Variants in ZNF106 observed in about 807,000 individuals in gnomAD.
The protein encoded by ZNF106 is zinc finger protein 106, also known as SH3-domain binding protein 3.
In ZNF106, 67 loss-of-function variants were observed where a neutral mutation model predicts 195.1. The observed-to-expected ratio is 0.34, with a 90% CI of 0.28 to 0.42. ZNF106 has a LOEUF of 0.42. Among genes scored for constraint, ZNF106 ranks in the 10% least tolerant of loss-of-function variants. The pLI, the probability that ZNF106 is intolerant of heterozygous loss-of-function variation, is 1.00. For synonymous variants in ZNF106, 784 were observed against 818.6 expected, an observed-to-expected ratio of 0.96 and a Z score of 0.72; for missense variants, 2,118 against 2,304.5, an observed-to-expected ratio of 0.92 and a Z score of 1.66.
rs756910453 is a variant in ZNF106, at chr15:42,450,891, G to A, written c.1381C>T (p.Pro461Ser). 3.7e-6 allele frequency: 6 copies of A among 1,614,196 alleles called. No individual in the cohort carries two copies. The highest frequency in any genetic ancestry group is 3.3e-5 in the Admixed American group (2 of 60,020). Residue 461 changes from proline to serine, a missense_variant, in exon 5 of 22, where the codon CCT (proline) becomes TCT (serine). By Grantham distance (74) the Pro-to-Ser change is moderately conservative. Coordinates refer to ENST00000564754, the MANE Select transcript of ZNF106 (RefSeq NM_001366845.3). ...TTATTTGGTGTATGCTCTTGTTCAG[G>A]TTTTTCTGCAGTGGGGCACTGTCTC... The part of the protein sequence containing the change: ...VVRQCPTAEK[P>S]EQEHTPNKMP...
At position 42,417,823 on chromosome 15, in the gene ZNF106, A is replaced by G. The variant is rs1261502775; in HGVS notation, c.5646T>C (p.Ala1882=). ...AATGTACCTGTTTGGATCCTTTCCT[A>G]GCAGTGAAAAAAGCATCGCAGTTCT... ...RWKNCDAFFT[A]RKGSKQDAAG... Residue 1882 remains alanine, a synonymous_variant, in exon 21 of 22, where the codon GCT becomes GCC. Transcript: ENST00000564754. 22 of 1,613,952 alleles carry G rather than the reference A, an allele frequency of 1.4e-5. No homozygotes were observed. Among genetic ancestry groups the G allele is most frequent in the Non-Finnish European group, 1.8e-5 (21 of 1,179,900 alleles).
At chr15:42,485,285 G>A (rs531038123) in intron 1 of ZNF106, among the ~76,000 whole-genome samples, 11 of 152,282 alleles carry the variant, frequency 7.2e-5, no homozygotes, top group African/African-American at 2.6e-4. Flanking sequence ...CAAGGTTTAT[G>A]TGTTCTCACC....
chr15:42,442,542 A>C (rs1246948654), intron 9 of ZNF106, 128 bp from the exon 10 acceptor site: 2 of 714,756 alleles, frequency 2.8e-6, no homozygotes, highest in Admixed American at 3.1e-5. Flanking sequence ...ATAGTCCCTC[A>C]TAATTCTCCG....
At chr15:42,464,284 G>A (rs553307633) in intron 3 of ZNF106, among the ~76,000 whole-genome samples, 146 of 149,100 alleles carry the variant, frequency 9.8e-4, no homozygotes, top group African/African-American at 3.5e-3. Context: ...AGGTTGCAGT[G>A]AGCTGAGATA....
Position 42,414,391 on chromosome 15 carries a change from G to A in ZNF106, c.*2913C>T. On this transcript the variant is annotated 3_prime_UTR_variant, in exon 22 of 22. Coordinates refer to ENST00000564754, the MANE Select transcript of ZNF106 (RefSeq NM_001366845.3). Reference sequence around the variant, plus strand: ...TTCATTTGGGGTAACACACTAATCTGGTGTTAAAAGAATTTCATGTGTTCT... The same window carrying A: ...TTCATTTGGGGTAACACACTAATCTAGTGTTAAAAGAATTTCATGTGTTCT... 1 of 152,198 alleles carries A rather than the reference G, an allele frequency of 6.6e-6. No homozygotes were observed. Among genetic ancestry groups the A allele is most frequent in the East Asian group, 1.9e-4 (1 of 5,202 alleles). The allele number at this position is 152,198 out of a possible 1,614,324, so 9.4% of individuals were successfully genotyped here.
chr15:42,451,890 G>A lies in ZNF106; in HGVS notation c.382C>T (p.Arg128Ter), dbSNP rs1357405840. 1.2e-6 allele frequency: 2 copies of A among 1,614,048 alleles called. No homozygotes were observed. The highest frequency in any genetic ancestry group is 1.7e-6 in the Non-Finnish European group (2 of 1,180,008). The change falls in exon 5 of 22, where the codon CGA becomes TGA. Residue 128 changes from arginine to a stop codon, truncating the protein, a stop_gained. Transcript: ENST00000564754. LOFTEE classifies it high-confidence loss of function. ...TCTTGGTAAGGAATTCGGTCTTCTC[G>A]TCTCCATTGGGGTCGTCTGTCATCA... ...NSDDRRPQWRREDRIPYQDRE... is the reference protein window; with the variant it reads ...NSDDRRPQWR
At chr15:42,463,871 T>C (rs1307846252) in intron 3 of ZNF106, among the ~76,000 whole-genome samples, 2 of 152,212 alleles carry the variant, frequency 1.3e-5, no homozygotes, top group Non-Finnish European at 1.5e-5. Flanking sequence ...GTCTCCTTTA[T>C]ATTGCTGCTA....
intron 20 of ZNF106, among the ~76,000 whole-genome samples, chr15:42,419,995 CCT>C (rs2054600532): frequency 6.6e-6 from 1 of 152,108 alleles, no homozygotes; most frequent in Non-Finnish European, 1.5e-5. Context: ...TTAAGTTTTT[CCT>C]CTGTCAGTAC....
intron 13 of ZNF106, among the ~76,000 whole-genome samples, chr15:42,436,799 A>C (rs576710201): frequency 6.6e-6 from 1 of 152,214 alleles, no homozygotes; most frequent in Admixed American, 6.5e-5. Flanking sequence ...TCCCTCCTCT[A>C]TTATGTAGCT....
rs200866264 is a variant in ZNF106 at position 42,448,530 on chromosome 15, C to T, written c.2677G>A (p.Ala893Thr). The change falls in exon 6 of 22, where the codon GCT becomes ACT. Residue 893 changes from alanine (A) to threonine (T), a missense_variant. Coordinates refer to ENST00000564754, the MANE Select transcript of ZNF106 (RefSeq NM_001366845.3). ...LSESSVIMDR[A>T]PSVYSFFSEE... ...CTGAAGAAGCTATACACAGAAGGAG[C>T]TCTGTCCATGATCACGCTGCTCTCA... 6.2e-7 allele frequency: 1 copy of T among 1,614,126 alleles called. No individual in the cohort carries two copies. Among genetic ancestry groups the T allele is most frequent in the Non-Finnish European group, 8.5e-7 (1 of 1,180,020 alleles).
intron 1 of ZNF106, among the ~76,000 whole-genome samples, chr15:42,486,802 G>A (rs2057025492): frequency 6.6e-6 from 1 of 150,754 alleles, no homozygotes; most frequent in Non-Finnish European, 1.5e-5. Flanking sequence ...ATATATATAT[G>A]TCAAGGCACC....
chr15:42,439,899 T>C (rs1243838679), intron 10 of ZNF106, 86 bp from the exon 11 acceptor site: 3 of 1,357,716 alleles, frequency 2.2e-6, no homozygotes, highest in East Asian at 2.5e-5. Flanking sequence ...AATATTTCAA[T>C]GATATGTTCA....
At chr15:42,489,678 T>A (rs1174001202) in intron 1 of ZNF106, among the ~76,000 whole-genome samples, 1 of 152,200 alleles carries the variant, frequency 6.6e-6, no homozygotes, top group Admixed American at 6.5e-5. Flanking sequence ...GAACGGGGCT[T>A]AAAGCAAATT....
At chr15:42,421,421 C>T (rs748554116) in intron 19 of ZNF106, among the ~76,000 whole-genome samples, 2 of 152,106 alleles carry the variant, frequency 1.3e-5, no homozygotes, top group African/African-American at 4.8e-5. Context: ...TGGTTTCTAT[C>T]GGGTGCTCTA....
chr15:42,420,859 G>A lies in ZNF106; in HGVS notation c.5517+202C>T, dbSNP rs372896118. On this transcript the variant is annotated intron_variant, in intron 20 of 21. Coordinates refer to ENST00000564754, the MANE Select transcript of ZNF106 (RefSeq NM_001366845.3). ...TCCGCTTTTTATTTCATATATTTCT[G>A]TACTGTTGTTTTCTAAGCATGTATT... 3.1e-3 allele frequency among the ~76,000 whole-genome samples: 468 copies of A among 152,246 alleles called. 1 individual carries two copies. The highest frequency in any genetic ancestry group is 0.014 in the Middle Eastern group (4 of 294).
intron 1 of ZNF106, among the ~76,000 whole-genome samples, chr15:42,486,459 C>T (rs2141465872): frequency 6.6e-6 from 1 of 152,224 alleles, no homozygotes; most frequent in East Asian, 1.9e-4. Context: ...CAGGGTCTCG[C>T]TTTGAAGCCC....
chr15:42,426,017 G>C (rs1199084767), intron 15 of ZNF106, among the ~76,000 whole-genome samples: 1 of 152,178 alleles, frequency 6.6e-6, no homozygotes, highest in East Asian at 1.9e-4. Flanking sequence ...GTGCATGCCT[G>C]GAGTAAGGCT....
chr15:42,442,785 ATTG>A (rs1375695989), intron 9 of ZNF106, among the ~76,000 whole-genome samples: 1 of 149,804 alleles, frequency 6.7e-6, no homozygotes. Context: ...CCCAGCTATT[ATTG>A]TTATTATTTT....
intron 4 of ZNF106, among the ~76,000 whole-genome samples, chr15:42,452,202 T>C (rs1209570668): frequency 2.0e-5 from 3 of 152,086 alleles, no homozygotes; most frequent in Non-Finnish European, 2.9e-5. Context: ...TACAACCATC[T>C]CCCCCATCAC....
Sources: gnomAD v4.1 joint callset for allele counts (sites outside exome capture counted in the v4.1 genomes callset) on GRCh38, gnomAD v4.1.1 for gene constraint, MANE v1.5 for transcripts, NCBI Gene and HGNC (gene_info 2026-07-23, HGNC 2026-07-21) for gene names.